Variants in LAMA4 observed in about 807,000 individuals in gnomAD.
LAMA4 encodes laminin subunit alpha-4.
LAMA4 carries 127 observed loss-of-function variants against 207.1 expected under a neutral mutation model. That is an observed-to-expected ratio of 0.61 (90% CI 0.53 to 0.71). The LOEUF is 0.71. Ranked by LOEUF, LAMA4 falls within the 30% of genes least tolerant of loss-of-function variation. The probability of loss-of-function intolerance (pLI) is 0.00; values close to 1 mark genes in which losing one functional copy is unlikely to be tolerated. For missense variants in LAMA4, 2,093 were observed against 2,246.5 expected (o/e 0.93, Z 1.38); for synonymous variants, 761 against 816.0 (o/e 0.93, Z 1.15).
chr6:112,153,603 T>C (rs190594021), intron 16 of LAMA4, among the ~76,000 whole-genome samples: 186 of 152,190 alleles, frequency 1.2e-3, no homozygotes, highest in African/African-American at 4.3e-3. Context: ...ATATTACAAG[T>C]TATCAAAAAG....
At chr6:112,250,329 A>C (rs1324639234) in intron 2 of LAMA4, among the ~76,000 whole-genome samples, 1 of 152,216 alleles carries the variant, frequency 6.6e-6, no homozygotes, top group Non-Finnish European at 1.5e-5. Flanking sequence ...GGACCCTAAC[A>C]ATGTGCTGGG....
chr6:112,159,294 C>A lies in LAMA4; in HGVS notation c.1669-414G>T, dbSNP rs997746280. On this transcript the variant is annotated intron_variant, in intron 13 of 38. Transcript: ENST00000230538. ...ATTTCCTATTTTGACCTAGTCCTGT[C>A]TGATTTCTACTCCATTACTCTACCA... 32 of 202,656 alleles carry A rather than the reference C, an allele frequency of 1.6e-4. 1 individual carries two copies. The highest frequency in any genetic ancestry group is 1.7e-4 in the South Asian group (2 of 12,086). 12.6% of individuals were successfully genotyped at this position (202,656 alleles called of 1,614,324 possible). A position where few individuals can be genotyped will look rare whatever the true frequency, so the allele number is the denominator to read the frequency against.
intron 2 of LAMA4, among the ~76,000 whole-genome samples, chr6:112,227,149 G>A (rs533339984): frequency 3.9e-5 from 6 of 151,936 alleles, no homozygotes; most frequent in East Asian, 1.9e-4. Context: ...TCAGCTCACC[G>A]CAACCTCTGC....
intron 16 of LAMA4, among the ~76,000 whole-genome samples, chr6:112,152,693 G>C (rs781969974): frequency 6.6e-6 from 1 of 151,970 alleles, no homozygotes; most frequent in Admixed American, 6.6e-5. Flanking sequence ...GATGTGATTG[G>C]TTTAATGTTA....
In LAMA4 at chr6:112,200,482, C is replaced by T. The variant is rs192332473; in HGVS notation, c.503+1126G>A. ...TGTGGAAGACAGTGTGGTGATTCCT[C>T]AAGGATCTAGAACCAGAATTACCAT... On this transcript the variant is annotated intron_variant, in intron 5 of 38. Transcript: ENST00000230538. Among the ~76,000 whole-genome samples, 33 of 152,300 alleles carry T rather than the reference C, an allele frequency of 2.2e-4. No individual in the cohort carries two copies. The East Asian group carries it at 6.4e-3, about 29-fold the overall frequency.
Position 112,190,927 on chromosome 6 carries a change from C to T in LAMA4, c.718+709G>A, listed in dbSNP as rs1337784203. ...TCTTTCTTTCTTTCTTTCTTTCTTT[C>T]TTTCTTTCTTTCTTTCTTTCCTTTC... On this transcript the variant is annotated intron_variant, in intron 6 of 38. Coordinates refer to ENST00000230538, the MANE Select transcript of LAMA4 (RefSeq NM_001105206.3). 8.7e-4 allele frequency among the ~76,000 whole-genome samples: 81 copies of T among 92,786 alleles called. No individual in the cohort carries two copies. In the Middle Eastern group the frequency reaches 0.02, roughly 23 times the overall value. The allele number at this position is 92,786 out of a possible 152,430, so 60.9% of individuals were successfully genotyped here.
intron 8 of LAMA4, chr6:112,187,160 T>G (rs1782734226): frequency 1.0e-5 from 5 of 493,106 alleles, no homozygotes; most frequent in South Asian, 4.1e-5. Context: ...AATAAGTGTT[T>G]CTCTTTCCTC....
intron 18 of LAMA4, among the ~76,000 whole-genome samples, chr6:112,146,531 C>T (rs1780040649): frequency 6.6e-6 from 1 of 152,158 alleles, no homozygotes; most frequent in South Asian, 2.1e-4. Context: ...AACAAGGCCT[C>T]CAGGTGATTC....
At chr6:112,217,030 A>T (rs1784667365) in intron 2 of LAMA4, among the ~76,000 whole-genome samples, 4 of 152,198 alleles carry the variant, frequency 2.6e-5, no homozygotes, top group Admixed American at 2.6e-4. Flanking sequence ...ATGAGTTCTT[A>T]CACTTGTCAA....
intron 2 of LAMA4, among the ~76,000 whole-genome samples, chr6:112,229,009 C>G (rs1275395702): frequency 6.6e-6 from 1 of 152,188 alleles, no homozygotes; most frequent in Non-Finnish European, 1.5e-5. Flanking sequence ...CACTTTCTTT[C>G]TCAGACAGTC....
At chr6:112,130,113 G>T in intron 29 of LAMA4, 73 bp from the exon 30 acceptor site, 1 of 1,315,734 alleles carries the variant, frequency 7.6e-7, no homozygotes, top group Non-Finnish European at 1.1e-6. Flanking sequence ...GGTTGGATAA[G>T]CAGGTTTTCT....
intron 33 of LAMA4, 115 bp downstream of exon 33, chr6:112,120,168 T>C (rs1778264523): frequency 1.2e-6 from 1 of 838,812 alleles, no homozygotes. Flanking sequence ...ATTCTGAGTG[T>C]GCAGCAGCAG....
chr6:112,185,365 T>C lies in LAMA4; in HGVS notation c.967-18A>G, dbSNP rs1782624641. The C allele has an allele frequency of 6.9e-7, 1 of 1,443,146 alleles. No individual in the cohort carries two copies. 89.4% of individuals were successfully genotyped at this position (1,443,146 alleles called of 1,614,324 possible). On this transcript the variant is annotated intron_variant, in intron 8 of 38. Coordinates refer to ENST00000230538, the MANE Select transcript of LAMA4 (RefSeq NM_001105206.3). ...AATTTTGTCTGCAGAAGAATGTGTTTTGAGAATAGTCAATGGGCACACCAG... is the reference window on the plus strand; with the variant it reads ...AATTTTGTCTGCAGAAGAATGTGTTCTGAGAATAGTCAATGGGCACACCAG...
At chr6:112,225,821 A>G (rs1305557592) in intron 2 of LAMA4, among the ~76,000 whole-genome samples, 1 of 152,250 alleles carries the variant, frequency 6.6e-6, no homozygotes, top group East Asian at 1.9e-4. Context: ...TAGACCTTAA[A>G]CAACAAAAGA....
At chr6:112,150,413 A>G (rs782083941) in intron 17 of LAMA4, 98 bp downstream of exon 17, 8 of 834,148 alleles carry the variant, frequency 9.6e-6, no homozygotes, top group South Asian at 6.7e-5. Context: ...TATGTATAAA[A>G]TCATTGACAA....
At chr6:112,220,180 C>A (rs1180796604) in intron 2 of LAMA4, among the ~76,000 whole-genome samples, 1 of 152,050 alleles carries the variant, frequency 6.6e-6, no homozygotes, top group Non-Finnish European at 1.5e-5. Context: ...TTATTTTAGC[C>A]AAATTTTCTC....
rs1782618550 is a variant in LAMA4 at position 112,185,297 on chromosome 6, G to A, written c.1017C>T (p.Ile339=). ...ENQYALRKIQ[I]NNAENTMKSL... ...TTTTCATCGTGTTCTCAGCATTGTT[G>A]ATTTGTATCTTTCTTAGGGCGTATT... Residue 339 remains isoleucine, a synonymous_variant, in exon 9 of 39, where the codon ATC becomes ATT. Transcript: ENST00000230538. The A allele has an allele frequency of 1.2e-6, 2 of 1,613,616 alleles. No individual in the cohort carries two copies.
intron 25 of LAMA4, among the ~76,000 whole-genome samples, chr6:112,134,812 T>C (rs536104891): frequency 6.6e-6 from 1 of 152,298 alleles, no homozygotes; most frequent in South Asian, 2.1e-4. Context: ...GTTCACACTT[T>C]CTGGGAAAGG....
chr6:112,164,572 A>G (rs1401661559), intron 13 of LAMA4, among the ~76,000 whole-genome samples: 2 of 152,212 alleles, frequency 1.3e-5, no homozygotes, highest in African/African-American at 4.8e-5. Context: ...GGAGAGAAAG[A>G]CAGTTTGGTG....
Sources: gnomAD v4.1 joint callset for allele counts (sites outside exome capture counted in the v4.1 genomes callset) on GRCh38, gnomAD v4.1.1 for gene constraint, MANE v1.5 for transcripts, NCBI Gene and HGNC (gene_info 2026-07-23, HGNC 2026-07-21) for gene names.